KLF8: variants seen among roughly 807,000 people sequenced by gnomAD.
The protein encoded by KLF8 is Krueppel-like factor 8.
A neutral mutation model predicts 18.2 loss-of-function variants in KLF8; 10 were observed. The observed-to-expected ratio is 0.55, with a 90% CI of 0.34 to 0.93. The LOEUF is 0.93. Among genes scored for constraint, KLF8 ranks in the 40% least tolerant of loss-of-function variants. The pLI is 0.02. For synonymous variants in KLF8, 109 were observed against 97.3 expected (o/e 1.12, Z -0.71); for missense variants, 264 against 277.9 (o/e 0.95, Z 0.36).
chrX:56,110,708 A>G, the KLF8 span, among the ~76,000 whole-genome samples: 7 of 111,482 alleles, frequency 6.3e-5, no homozygotes, highest in Non-Finnish European at 1.1e-4. Flanking sequence ...TGTAGCTTCA[A>G]TTATGTCCAA....
chrX:56,169,491 T>A, the KLF8 span, among the ~76,000 whole-genome samples: 4 of 110,157 alleles, frequency 3.6e-5, no homozygotes, highest in Non-Finnish European at 5.7e-5. Context: ...GAAAGGTGTG[T>A]CTCAGCACAG....
the KLF8 span, among the ~76,000 whole-genome samples, chrX:56,173,988 A>T: frequency 5.6e-4 from 63 of 111,675 alleles, no homozygotes; most frequent in African/African-American, 2.0e-3. Flanking sequence ...TCTTAAGGAG[A>T]TTTTGGGCTG....
At chrX:56,258,522 G>A (rs1223614399) in intron 2 of KLF8, among the ~76,000 whole-genome samples, 1 of 112,100 alleles carries the variant, frequency 8.9e-6, no homozygotes, top group Non-Finnish European at 1.9e-5. Flanking sequence ...TGATCTGCCA[G>A]CCTCGGCCTC....
At chrX:56,137,763 A>T in the KLF8 span, among the ~76,000 whole-genome samples, 33 of 104,637 alleles carry the variant, frequency 3.2e-4, no homozygotes, top group Admixed American at 3.0e-3. Flanking sequence ...AATAAAAGAA[A>T]AAAGAAACAA....
chrX:55,989,180 T>G, the KLF8 span, among the ~76,000 whole-genome samples: 2 of 111,904 alleles, frequency 1.8e-5, no homozygotes, highest in African/African-American at 6.5e-5. Flanking sequence ...TTTTCCTAAT[T>G]GAGTACCCTT....
chrX:56,174,578 C>T, the KLF8 span, among the ~76,000 whole-genome samples: 1 of 111,389 alleles, frequency 9.0e-6, no homozygotes, highest in Admixed American at 9.6e-5. Context: ...GTGTCTCTGC[C>T]AGGCTTTGGT....
chrX:56,112,850 C>A, the KLF8 span, among the ~76,000 whole-genome samples: 2 of 111,493 alleles, frequency 1.8e-5, no homozygotes, highest in African/African-American at 6.5e-5. Context: ...TTCAGAAATC[C>A]TTTTCCTGGT....
chrX:56,097,612 C>T, the KLF8 span, among the ~76,000 whole-genome samples: 1 of 103,108 alleles, frequency 9.7e-6, no homozygotes, highest in Admixed American at 1.1e-4. Context: ...TGGTGTGCTG[C>T]ACCCATTAAC....
chrX:55,961,755 G>T, the KLF8 span: 2 of 333,912 alleles, frequency 6.0e-6, no homozygotes, highest in South Asian at 6.8e-5. Flanking sequence ...CCCAAGACTT[G>T]GTGTTTGACT....
chrX:56,162,415 A>C, the KLF8 span, among the ~76,000 whole-genome samples: 4 of 111,965 alleles, frequency 3.6e-5, no homozygotes, highest in South Asian at 7.4e-4. Flanking sequence ...AGTGGGCTCC[A>C]CCCAGTTCGA....
chrX:55,948,601 C>T, the KLF8 span, among the ~76,000 whole-genome samples: 1 of 111,992 alleles, frequency 8.9e-6, no homozygotes, highest in African/African-American at 3.2e-5. Context: ...GCAGTCATGT[C>T]TACAGATTAT....
the KLF8 span, among the ~76,000 whole-genome samples, chrX:56,200,408 G>T: frequency 9.1e-6 from 1 of 110,289 alleles, no homozygotes; most frequent in Non-Finnish European, 1.9e-5. Flanking sequence ...ATTAAATGGT[G>T]TTGGGAAAAT....
the KLF8 span, among the ~76,000 whole-genome samples, chrX:56,108,972 A>G: frequency 1.8e-5 from 2 of 111,275 alleles, no homozygotes; most frequent in Non-Finnish European, 3.8e-5. Flanking sequence ...TGTTTTCTTT[A>G]ATTTCTGCAT....
the KLF8 span, among the ~76,000 whole-genome samples, chrX:56,157,582 G>A: frequency 9.0e-6 from 1 of 110,539 alleles, no homozygotes; most frequent in South Asian, 3.8e-4. Context: ...GATCGTCATT[G>A]TAACTGGTGT....
chrX:55,970,211 A>T, the KLF8 span, among the ~76,000 whole-genome samples: 2 of 111,387 alleles, frequency 1.8e-5, no homozygotes, highest in Non-Finnish European at 3.8e-5. Context: ...GTAATACGTT[A>T]AAAAGATCAT....
chrX:56,019,273 C>T, the KLF8 span, among the ~76,000 whole-genome samples: 1 of 112,044 alleles, frequency 8.9e-6, no homozygotes, highest in Non-Finnish European at 1.9e-5. Flanking sequence ...AAAAACCAGC[C>T]CCCTGGAGAT....
In KLF8 at chrX:56,291,495, A is replaced by G. The variant is rs2067322385; in HGVS notation, c.*7001A>G. 8.9e-6 allele frequency among the ~76,000 whole-genome samples: 1 copy of G among 112,043 alleles called. No individual in the cohort carries two copies. Among genetic ancestry groups the G allele is most frequent in the Non-Finnish European group, 1.9e-5 (1 of 53,187 alleles). On this transcript the variant is annotated 3_prime_UTR_variant, in exon 6 of 6. Coordinates refer to ENST00000468660, the MANE Select transcript of KLF8 (RefSeq NM_007250.5). ...CAATCTTGTTCAGTTTAATTATTGTACTTTTTTATTAATAAAAAGGTCTTA... is the reference window on the plus strand; with the variant it reads ...CAATCTTGTTCAGTTTAATTATTGTGCTTTTTTATTAATAAAAAGGTCTTA...
the KLF8 span, among the ~76,000 whole-genome samples, chrX:56,125,759 T>C: frequency 8.9e-6 from 1 of 111,808 alleles, no homozygotes; most frequent in South Asian, 3.8e-4. Context: ...TAGAAATACA[T>C]AACGGGTTTA....
chrX:55,939,879 A>C, the KLF8 span, among the ~76,000 whole-genome samples: 1 of 112,072 alleles, frequency 8.9e-6, no homozygotes, highest in South Asian at 3.7e-4. Context: ...TTGAGGCAAT[A>C]ATTAATAGCT....
Sources: allele counts gnomAD v4.1 joint callset (sites outside exome capture counted in the v4.1 genomes callset), GRCh38; gene constraint gnomAD v4.1.1; transcripts MANE v1.5; gene names NCBI Gene and HGNC (gene_info 2026-07-23, HGNC 2026-07-21).